The following PTOV1 variants were observed in gnomAD, a reference collection of about 807,000 sequenced individuals.
The protein encoded by PTOV1 is PTOV1 extended AT-hook containing adaptor protein.
PTOV1 carries 20 observed loss-of-function variants against 58.0 expected under a neutral mutation model. The ratio of observed to expected loss-of-function variants is 0.34; its 90% CI spans 0.24 to 0.50. The LOEUF (loss-of-function observed/expected upper bound fraction) is 0.50, where lower values mean the gene tolerates loss of function less well. Ranked by LOEUF, PTOV1 falls within the 20% of genes least tolerant of loss-of-function variation. The pLI is 0.98. For synonymous variants in PTOV1, 335 were observed against 234.2 expected (o/e 1.43, Z -3.93); for missense variants, 593 against 565.4 (o/e 1.05, Z -0.50).
chr19:49,852,888 C>T (rs77941735), intron 1 of PTOV1: 3,642 of 152,348 alleles, frequency 0.024, 53 homozygotes, highest in African/African-American at 0.032. Flanking sequence ...TCACCTCCAG[C>T]TGTGCGTTTT....
At chr19:49,857,781 A>T (rs199576785) in exon 7 of PTOV1, 6 of 1,612,810 alleles carry the variant, frequency 3.7e-6, no homozygotes, top group Non-Finnish European at 3.4e-6. Context: ...GAGTGGCAGG[A>T]GGTGAGCACT....
rs775464988 is a variant in PTOV1 at position 49,857,134 on chromosome 19, T to C, written c.714+4T>C. 1.2e-6 allele frequency: 2 copies of C among 1,613,904 alleles called. No individual in the cohort carries two copies. Among genetic ancestry groups the C allele is most frequent in the South Asian group, 1.1e-5 (1 of 91,076 alleles). On this transcript the variant is annotated splice_donor_region_variant and intron_variant, in intron 6 of 11. Transcript: ENST00000391842. Reference sequence around the variant, plus strand: ...GGTCATCACCACCCGCAAGCAGGTGTGCCAGCCAAGCACAGCCCCTCTGGG... The same window carrying C: ...GGTCATCACCACCCGCAAGCAGGTGCGCCAGCCAAGCACAGCCCCTCTGGG...
chr19:49,855,885 C>T (rs1051993583), intron 5 of PTOV1, among the ~76,000 whole-genome samples: 3 of 151,890 alleles, frequency 2.0e-5, no homozygotes, highest in Middle Eastern at 3.2e-3. Flanking sequence ...GAGATTCTGG[C>T]GCAGGGCAGG....
intron 8 of PTOV1, 22 bp downstream of exon 8, chr19:49,857,999 G>A (rs779418615): frequency 3.7e-6 from 6 of 1,613,008 alleles, no homozygotes; most frequent in Non-Finnish European, 1.7e-6. Context: ...GCTGGGGGGT[G>A]GAGGCAGCAT....
intron 9 of PTOV1, 68 bp downstream of exon 9, chr19:49,858,182 A>C: frequency 1.3e-6 from 2 of 1,557,790 alleles, no homozygotes; most frequent in Non-Finnish European, 1.7e-6. Flanking sequence ...GGCTGGGGGC[A>C]AGAGCGCCTC....
At chr19:49,851,494 C>G in exon 1 of PTOV1, 6 of 1,218,850 alleles carry the variant, frequency 4.9e-6, no homozygotes, top group Non-Finnish European at 6.1e-6. Flanking sequence ...CTCGGCCCCT[C>G]CCATGGTGAG....
Position 49,858,617 on chromosome 19 carries a change from A to G in PTOV1, c.1005A>G (p.Thr335=), listed in dbSNP as rs35389621. Residue 335 remains threonine, a synonymous_variant, in exon 10 of 12, where the codon ACA becomes ACG. Transcript: ENST00000391842. ...TCCACTTCACCAAGGACCTGGAGACACTGAAGAGCCTGTGCCGGATCATGG... is the reference window on the plus strand; with the variant it reads ...TCCACTTCACCAAGGACCTGGAGACGCTGAAGAGCCTGTGCCGGATCATGG... 1.7e-3 allele frequency: 2,691 copies of G among 1,604,880 alleles called. 39 individuals carry two copies. In the African/African-American group the frequency reaches 0.032, roughly 19 times the overall value.
chr19:49,854,745 G>A lies in PTOV1; in HGVS notation c.392+11G>A, dbSNP rs1568640534. The A allele has an allele frequency of 1.2e-6, 2 of 1,613,350 alleles. No homozygotes were observed. Among genetic ancestry groups the A allele is most frequent in the Non-Finnish European group, 1.7e-6 (2 of 1,179,950 alleles). ...CCAAGGCGAGAACCTGTGAGTGCCG[G>A]GGCGTGGCAGCCAGGGCGGTGGCAG... is the stretch of plus-strand genomic sequence containing the variant. On this transcript the variant is annotated intron_variant, in intron 3 of 11. Coordinates refer to ENST00000391842, the Ensembl canonical transcript of PTOV1.
At chr19:49,860,433 C>A in exon 12 of PTOV1, 1 of 1,196,778 alleles carries the variant, frequency 8.4e-7, no homozygotes, top group Non-Finnish European at 1.1e-6. Flanking sequence ...TTGGGGAGAG[C>A]AGAGCAGAGG....
At chr19:49,850,984 C>G (rs927112360), upstream of PTOV1, 2 of 1,535,160 alleles carry the variant, frequency 1.3e-6, no homozygotes, top group African/African-American at 2.7e-5. Context: ...GCCACGCCCC[C>G]TGAAGTTGTG....
At position 49,858,046 on chromosome 19, in the gene PTOV1, G is replaced by A. The variant is rs1396283598; in HGVS notation, c.879-11G>A. On this transcript the variant is annotated splice_polypyrimidine_tract_variant and intron_variant, in intron 8 of 11. Coordinates refer to ENST00000391842, the Ensembl canonical transcript of PTOV1. ...GGGGCTTCCTGACCCTCGTCCCTTT[G>A]TGCCCCACAGGAGGACCGAGCAGTG... 6.2e-7 allele frequency: 1 copy of A among 1,613,944 alleles called. No individual in the cohort carries two copies. Among genetic ancestry groups the A allele is most frequent in the Non-Finnish European group, 8.5e-7 (1 of 1,179,982 alleles).
At position 49,854,544 on chromosome 19, in the gene PTOV1, G is replaced by C; in HGVS notation, c.309+1G>C. On this transcript the variant is annotated splice_donor_variant, in intron 2 of 11. Coordinates refer to ENST00000391842, the Ensembl canonical transcript of PTOV1. LOFTEE classifies it high-confidence loss of function. ...GAGCGGCGTCCTCGAGTGGCAGGAGGTGAGTCTCTGTGGGGCTGCGGCTGG... is the reference window on the plus strand; with the variant it reads ...GAGCGGCGTCCTCGAGTGGCAGGAGCTGAGTCTCTGTGGGGCTGCGGCTGG... The C allele has an allele frequency of 6.2e-7, 1 of 1,612,878 alleles. No homozygotes were observed. Among genetic ancestry groups the C allele is most frequent in the Middle Eastern group, 1.7e-4 (1 of 6,042 alleles).
chr19:49,858,089 T>C, exon 9 of PTOV1: 1 of 1,613,886 alleles, frequency 6.2e-7, no homozygotes, highest in South Asian at 1.1e-5. Flanking sequence ...AAGCTGTACA[T>C]GCAGCTCATC....
At chr19:49,858,347 C>T (rs1457224477) in intron 9 of PTOV1, 2 of 687,828 alleles carry the variant, frequency 2.9e-6, no homozygotes, top group Non-Finnish European at 4.9e-6. Context: ...CGACCTGCAC[C>T]TGGGGGGCTG....
rs751595197 is a variant in PTOV1 at position 49,857,917 on chromosome 19, C to T, written c.818C>T (p.Pro273Leu). 3.7e-6 allele frequency: 6 copies of T among 1,613,814 alleles called. No individual in the cohort carries two copies. The highest frequency in any genetic ancestry group is 1.3e-5 in the African/African-American group (1 of 75,068). Reference sequence around the variant, plus strand: ...CTCCCCCAAAAGCCCAGGCCTGAGCCCAACAGTCGGTCCAAGAGGTGGCTG... The same window carrying T: ...CTCCCCCAAAAGCCCAGGCCTGAGCTCAACAGTCGGTCCAAGAGGTGGCTG... Residue 273 changes from proline to leucine, a missense_variant, in exon 8 of 12, where the codon CCC becomes CTC. Transcript: ENST00000391842.
At chr19:49,852,903 C>T (rs995836027) in intron 1 of PTOV1, 2 of 152,234 alleles carry the variant, frequency 1.3e-5, no homozygotes, top group Admixed American at 6.5e-5. Context: ...CGTTTTAACT[C>T]ATCTCAGATG....
exon 5 of PTOV1, chr19:49,855,025 A>C: frequency 6.2e-7 from 1 of 1,602,008 alleles, no homozygotes; most frequent in Non-Finnish European, 8.5e-7. Flanking sequence ...CACTTCACCA[A>C]CAGAGACTGC....
chr19:49,860,515 TATCCAGGCCTGGGTGG>T, exon 12 of PTOV1: 1 of 643,900 alleles, frequency 1.6e-6, no homozygotes, highest in Non-Finnish European at 2.6e-6. Flanking sequence ...TGGGAGGTGG[TATCCAGGCCTGGGTGG>T]GGCCAGGCCT....
At chr19:49,852,112 T>C (rs922535406) in intron 1 of PTOV1, 1 of 977,346 alleles carries the variant, frequency 1.0e-6, no homozygotes, top group Admixed American at 6.2e-5. Context: ...AAGATGCACA[T>C]GCTTTTCAGA....
Sources: allele counts gnomAD v4.1 joint callset (sites outside exome capture counted in the v4.1 genomes callset), GRCh38; gene constraint gnomAD v4.1.1; transcripts MANE v1.5; gene names NCBI Gene and HGNC (gene_info 2026-07-23, HGNC 2026-07-21).